CKAP5: variants seen among roughly 807,000 people sequenced by gnomAD.
CKAP5 encodes the protein cytoskeleton associated protein 5.
Under a neutral mutation model 232.8 loss-of-function variants are expected in CKAP5, and 27 were observed. That is an observed-to-expected ratio of 0.12 (90% CI 0.09 to 0.16). CKAP5 has a LOEUF of 0.16. Among genes scored for constraint, CKAP5 ranks in the 10% least tolerant of loss-of-function variants. The pLI is 1.00. For synonymous variants in CKAP5, 785 were observed against 841.1 expected (o/e 0.93, Z 1.16); for missense variants, 1,838 against 2,424.7 (o/e 0.76, Z 5.08).
intron 1 of CKAP5, among the ~76,000 whole-genome samples, chr11:46,836,587 C>T (rs1939923692): frequency 6.6e-6 from 1 of 152,064 alleles, no homozygotes; most frequent in African/African-American, 2.4e-5. Context: ...CACTACATAC[C>T]TACCAGAAGG....
chr11:46,767,426 T>C (rs2065211607), intron 27 of CKAP5, 149 bp downstream of exon 27: 1 of 505,304 alleles, frequency 2.0e-6, no homozygotes, highest in African/African-American at 1.9e-5. Flanking sequence ...TTATTAAAAA[T>C]GAACCACAGA....
intron 26 of CKAP5, 42 bp from the exon 27 acceptor site, chr11:46,767,705 A>G (rs2065214236): frequency 4.1e-6 from 5 of 1,221,958 alleles, no homozygotes; most frequent in African/African-American, 3.1e-5. Context: ...ACTTTAACTA[A>G]TATCATTTTA....
At position 46,750,257 on chromosome 11, in the gene CKAP5, A is replaced by G. The variant is rs757502496; in HGVS notation, c.5704+17T>C. 4.7e-5 allele frequency: 75 copies of G among 1,609,450 alleles called. No homozygotes were observed. The highest frequency in any genetic ancestry group is 2.2e-4 in the South Asian group (20 of 90,470). On this transcript the variant is annotated intron_variant, in intron 42 of 43. Coordinates refer to ENST00000529230, the MANE Select transcript of CKAP5 (RefSeq NM_001008938.4). ...CTATTTTGAGCTTATTCCTGGAGCTATAACAGGAAACCATACCTGTTGAAG... is the reference window on the plus strand; with the variant it reads ...CTATTTTGAGCTTATTCCTGGAGCTGTAACAGGAAACCATACCTGTTGAAG...
chr11:46,818,559 C>G, intron 2 of CKAP5, 56 bp from the exon 3 acceptor site: 1 of 1,239,508 alleles, frequency 8.1e-7, no homozygotes, highest in South Asian at 1.9e-5. Context: ...TTATCATCTA[C>G]TATTAATCTG....
chr11:46,823,986 A>T (rs1939599404), intron 1 of CKAP5, among the ~76,000 whole-genome samples: 1 of 152,180 alleles, frequency 6.6e-6, no homozygotes, highest in Non-Finnish European at 1.5e-5. Context: ...GCATGGTGCA[A>T]AGTACTTTTT....
At chr11:46,815,239 G>A (rs1939369731) in intron 4 of CKAP5, among the ~76,000 whole-genome samples, 1 of 151,986 alleles carries the variant, frequency 6.6e-6, no homozygotes, top group Non-Finnish European at 1.5e-5. Context: ...TTTTGGTAGA[G>A]ACGTTTCACC....
At chr11:46,790,636 GGA>G (rs1464020528) in intron 13 of CKAP5, 53 bp from the exon 14 acceptor site, 69 of 1,256,490 alleles carry the variant, frequency 5.5e-5, no homozygotes, top group Non-Finnish European at 5.4e-5. Context: ...TTAAAATAGT[GGA>G]GTTTTTTATT....
intron 32 of CKAP5, among the ~76,000 whole-genome samples, chr11:46,761,762 T>C (rs1283310028): frequency 6.6e-6 from 1 of 152,200 alleles, no homozygotes; most frequent in African/African-American, 2.4e-5. Context: ...ATAGCACTCA[T>C]TTCTAAAGCA....
chr11:46,777,508 C>T lies in CKAP5; in HGVS notation c.2793G>A (p.Met931Ile). 6.2e-7 allele frequency: 1 copy of T among 1,613,964 alleles called. No homozygotes were observed. The highest frequency in any genetic ancestry group is 1.1e-5 in the South Asian group (1 of 91,078). ...LNILQQLAVA[M>I]GPNIKQHVKN... ...TTACATGTTGCTTAATATTTGGGCC[C>T]ATGGCTACTGCCAGTTGTTGCAGGA... The change falls in exon 23 of 44, where the codon ATG becomes ATA. Residue 931 changes from methionine to isoleucine, a missense_variant. Physicochemically the swap from Met to Ile is conservative, Grantham distance 10. Transcript: ENST00000529230.
chr11:46,826,296 A>T (rs1359898141), intron 1 of CKAP5, among the ~76,000 whole-genome samples: 1 of 152,122 alleles, frequency 6.6e-6, no homozygotes, highest in Non-Finnish European at 1.5e-5. Context: ...GCCTCTGGAG[A>T]GACAGCTAAA....
At chr11:46,778,040 G>A (rs542680120) in intron 22 of CKAP5, 99 bp downstream of exon 22, 4 of 929,308 alleles carry the variant, frequency 4.3e-6, no homozygotes, top group Non-Finnish European at 6.5e-6. Context: ...AGCAAATAAA[G>A]TAACCACTTA....
rs2065290688 is a variant in CKAP5 at position 46,776,326 on chromosome 11, T to C, written c.2920A>G (p.Met974Val). Residue 974 changes from methionine (M) to valine (V), a missense_variant, in exon 24 of 44, where the codon ATG becomes GTG. By Grantham distance (21) the Met-to-Val change is conservative (BLOSUM62 1). This residue lies in a region of CKAP5 where 767 missense variants were observed against 954.6 expected (regional missense o/e 0.80). Coordinates refer to ENST00000529230, the MANE Select transcript of CKAP5 (RefSeq NM_001008938.4). The part of the protein sequence containing the change: ...TVNAWAEQTG[M>V]KEWLEGEDLS... ...TCTTCTCCTTCCAGCCATTCCTTCA[T>C]GCCAGTCTGTTCTGCCCAAGCATTC... is the stretch of plus-strand genomic sequence containing the variant. 5 of 1,613,944 alleles carry C rather than the reference T, an allele frequency of 3.1e-6. No homozygotes were observed. The African/African-American group carries it at 5.3e-5, about 17-fold the overall frequency.
chr11:46,769,267 AAAG>A (rs1214898924), intron 26 of CKAP5, among the ~76,000 whole-genome samples: 6 of 152,208 alleles, frequency 3.9e-5, no homozygotes, highest in African/African-American at 1.4e-4. Context: ...ATTATCCCTT[AAAG>A]AAGGTTAATA....
At chr11:46,800,351 A>T (rs1382239465) in intron 9 of CKAP5, among the ~76,000 whole-genome samples, 1 of 152,198 alleles carries the variant, frequency 6.6e-6, no homozygotes. Context: ...GCAAGCTCCA[A>T]ATACCATAGC....
chr11:46,753,588 T>C, intron 36 of CKAP5, 91 bp from the exon 37 acceptor site: 1 of 1,020,052 alleles, frequency 9.8e-7, no homozygotes, highest in African/African-American at 1.7e-5. Context: ...TATTCAATTA[T>C]GTTGTATTTT....
intron 1 of CKAP5, among the ~76,000 whole-genome samples, chr11:46,841,425 T>C (rs1267844695): frequency 2.0e-5 from 3 of 152,320 alleles, no homozygotes; most frequent in Admixed American, 6.5e-5. Flanking sequence ...GATAAACTTA[T>C]TAAAGTTTCT....
chr11:46,817,542 T>C (rs771998493), intron 3 of CKAP5, among the ~76,000 whole-genome samples: 14 of 152,176 alleles, frequency 9.2e-5, no homozygotes, highest in Non-Finnish European at 1.6e-4. Flanking sequence ...AAAGTGATAG[T>C]TTTACTAACG....
At chr11:46,827,684 T>C (rs924174245) in intron 1 of CKAP5, among the ~76,000 whole-genome samples, 1 of 152,160 alleles carries the variant, frequency 6.6e-6, no homozygotes, top group African/African-American at 2.4e-5. Context: ...CTTTCAAAAA[T>C]TGACCTAAAA....
intron 11 of CKAP5, 27 bp from the exon 12 acceptor site, chr11:46,796,967 T>C: frequency 6.2e-7 from 1 of 1,611,792 alleles, no homozygotes; most frequent in Non-Finnish European, 8.5e-7. Context: ...AGCAAAATGA[T>C]ATTAATGCAA....
Sources: allele counts gnomAD v4.1 joint callset (sites outside exome capture counted in the v4.1 genomes callset), GRCh38; gene constraint gnomAD v4.1.1; regional missense constraint gnomAD v4.1.1; transcripts MANE v1.5; gene names NCBI Gene and HGNC (gene_info 2026-07-23, HGNC 2026-07-21).